The following CAPS2 variants were observed in gnomAD, a reference collection of about 807,000 sequenced individuals.
CAPS2 encodes the protein calcyphosine 2, also known as calcyphosin-2.
Under a neutral mutation model 86.5 loss-of-function variants are expected in CAPS2, and 98 were observed. The observed-to-expected ratio is 1.13, with a 90% confidence interval of 0.96 to 1.34. The LOEUF (loss-of-function observed/expected upper bound fraction) is 1.34, where lower values mean the gene tolerates loss of function less well. Ranked by LOEUF, CAPS2 falls within the 40% of genes most tolerant of loss-of-function variation. The pLI is 0.00. For missense variants in CAPS2, 729 were observed against 686.8 expected (o/e 1.06, Z -0.69); for synonymous variants, 210 against 225.1 (o/e 0.93, Z 0.60).
At chr12:75,323,076 T>C (rs1408033135) in exon 4 of CAPS2, 2 of 1,546,110 alleles carry the variant, frequency 1.3e-6, no homozygotes, top group African/African-American at 2.7e-5. Context: ...GTGGAATATA[T>C]GAAAAATTGT....
At chr12:75,297,510 T>C (rs886805326) in intron 11 of CAPS2, among the ~76,000 whole-genome samples, 2 of 152,224 alleles carry the variant, frequency 1.3e-5, no homozygotes, top group Non-Finnish European at 2.9e-5. Context: ...TAGATTAATA[T>C]AATTCAATCC....
At chr12:75,333,975 T>C (rs1406779132), upstream of CAPS2, 1 of 152,220 alleles carries the variant, frequency 6.6e-6, no homozygotes, top group Non-Finnish European at 1.5e-5. Flanking sequence ...AAATGTACTC[T>C]GTCCATCCCA....
At chr12:75,291,220 G>A (rs184690249) in intron 13 of CAPS2, among the ~76,000 whole-genome samples, 4 of 151,736 alleles carry the variant, frequency 2.6e-5, no homozygotes, top group South Asian at 2.1e-4. Flanking sequence ...GCACAACAGA[G>A]TCCAAACATC....
chr12:75,295,612 T>C (rs779685059), intron 11 of CAPS2, among the ~76,000 whole-genome samples: 1 of 152,240 alleles, frequency 6.6e-6, no homozygotes, highest in Non-Finnish European at 1.5e-5. Context: ...ATGTACTCAG[T>C]GTCTTCTAAG....
intron 1 of CAPS2, among the ~76,000 whole-genome samples, chr12:75,338,534 GT>G (rs1436801151): frequency 6.6e-6 from 1 of 151,452 alleles, no homozygotes; most frequent in Non-Finnish European, 1.5e-5. Context: ...TTTCCTGTAG[GT>G]TTTTTTAATA....
intron 1 of CAPS2, among the ~76,000 whole-genome samples, chr12:75,387,084 T>A (rs1156654088): frequency 6.6e-6 from 1 of 152,036 alleles, no homozygotes; most frequent in Admixed American, 6.6e-5. Context: ...ACTAAAAATT[T>A]CTACTCAGCA....
intron 7 of CAPS2, chr12:75,306,045 A>G: frequency 6.8e-7 from 1 of 1,471,928 alleles, no homozygotes; most frequent in Admixed American, 1.9e-5. Flanking sequence ...CCGCGGCGCC[A>G]GAGACAGCGC....
intron 1 of CAPS2, among the ~76,000 whole-genome samples, chr12:75,347,924 A>T (rs2042563429): frequency 6.6e-6 from 1 of 152,150 alleles, no homozygotes; most frequent in African/African-American, 2.4e-5. Context: ...CTATTATAAG[A>T]TATTTAAACT....
chr12:75,286,517 T>C (rs1265519649), intron 14 of CAPS2, among the ~76,000 whole-genome samples: 1 of 151,740 alleles, frequency 6.6e-6, no homozygotes, highest in Non-Finnish European at 1.5e-5. Context: ...TTATATATAC[T>C]TAAGAGATAT....
intron 1 of CAPS2, among the ~76,000 whole-genome samples, chr12:75,348,410 G>C (rs1001911866): frequency 6.6e-6 from 1 of 152,150 alleles, no homozygotes. Context: ...ATATCTCTCT[G>C]TATTTTCTTC....
At chr12:75,364,935 A>T (rs2043866377) in intron 1 of CAPS2, 1 of 152,114 alleles carries the variant, frequency 6.6e-6, no homozygotes, top group Non-Finnish European at 1.5e-5. Context: ...GAATCAGCAA[A>T]TTATTTATGG....
intron 1 of CAPS2, among the ~76,000 whole-genome samples, chr12:75,346,991 C>T (rs1342949580): frequency 6.6e-6 from 1 of 150,964 alleles, no homozygotes; most frequent in Non-Finnish European, 1.5e-5. Context: ...TAGTAATGTT[C>T]CTCACCTCTT....
chr12:75,318,228 T>C (rs1028236567), intron 5 of CAPS2: 1 of 152,138 alleles, frequency 6.6e-6, no homozygotes, highest in Non-Finnish European at 1.5e-5. Flanking sequence ...CTGTCAACAA[T>C]ATGACTTTGT....
At chr12:75,299,964 G>A in intron 8 of CAPS2, 53 bp from the exon 9 acceptor site, 1 of 711,372 alleles carries the variant, frequency 1.4e-6, no homozygotes, top group Non-Finnish European at 2.3e-6. Context: ...ATAACTTGAT[G>A]GAAATTGTAA....
At chr12:75,288,056 T>C (rs950352266) in intron 14 of CAPS2, among the ~76,000 whole-genome samples, 2 of 152,212 alleles carry the variant, frequency 1.3e-5, no homozygotes, top group African/African-American at 2.4e-5. Context: ...TATTCTGTGT[T>C]GATTATTACT....
At chr12:75,344,665 G>A (rs2042332390) in intron 1 of CAPS2, among the ~76,000 whole-genome samples, 1 of 151,764 alleles carries the variant, frequency 6.6e-6, no homozygotes, top group Admixed American at 6.6e-5. Flanking sequence ...TATCATGTTG[G>A]GTAAATTTTA....
chr12:75,311,369 T>A (rs1205996399), intron 7 of CAPS2, among the ~76,000 whole-genome samples: 3 of 152,086 alleles, frequency 2.0e-5, no homozygotes, highest in African/African-American at 7.2e-5. Flanking sequence ...GATCAAAATA[T>A]CACCAGGATT....
At chr12:75,334,676 G>C (rs1418717421), upstream of CAPS2, 3 of 1,576,180 alleles carry the variant, frequency 1.9e-6, no homozygotes, top group Non-Finnish European at 2.6e-6. Context: ...GGTTGCCCCA[G>C]CCGTTACTGG....
At chr12:75,302,650 G>A (rs7975661) in intron 8 of CAPS2, among the ~76,000 whole-genome samples, 46,417 of 151,964 alleles carry the variant, frequency 0.31, 7,831 homozygotes, top group East Asian at 0.44. Context: ...AAATATAGTT[G>A]AAAAAGGATT....
Sources: gnomAD v4.1 joint callset for allele counts (sites outside exome capture counted in the v4.1 genomes callset) on GRCh38, gnomAD v4.1.1 for gene constraint, MANE v1.5 for transcripts, NCBI Gene and HGNC (gene_info 2026-07-23, HGNC 2026-07-21) for gene names.